LEKR1: variants seen among roughly 807,000 people sequenced by gnomAD.
LEKR1 encodes the protein leucine, glutamate and lysine rich 1, also known as protein LEKR1.
In LEKR1, 59 loss-of-function variants were observed where a neutral mutation model predicts 72.4. That is an observed-to-expected ratio of 0.82 (90% confidence interval 0.66 to 1.01). The LOEUF (loss-of-function observed/expected upper bound fraction) is 1.01, where lower values mean the gene tolerates loss of function less well. Ranked by LOEUF, LEKR1 falls within the 50% of genes least tolerant of loss-of-function variation. LEKR1 has a pLI of 0.00. For missense variants in LEKR1, 728 were observed against 759.2 expected (o/e 0.96, Z 0.48); for synonymous variants, 257 against 263.2 (o/e 0.98, Z 0.23).
At chr3:157,014,669 T>A (rs1161995148) in intron 10 of LEKR1, among the ~76,000 whole-genome samples, 1 of 152,148 alleles carries the variant, frequency 6.6e-6, no homozygotes. Flanking sequence ...TTTATATTTT[T>A]AAAAATGCAG....
intron 10 of LEKR1, among the ~76,000 whole-genome samples, chr3:157,018,680 A>G (rs746601748): frequency 6.6e-6 from 1 of 152,290 alleles, no homozygotes; most frequent in South Asian, 2.1e-4. Flanking sequence ...CTGAGTATAC[A>G]CATTGTTTCC....
rs1560154529 is a variant in LEKR1, at chr3:157,024,763, G to A, written c.1207G>A (p.Glu403Lys). 6.2e-7 allele frequency: 1 copy of A among 1,601,194 alleles called. No homozygotes were observed. Residue 403 changes from glutamate (E) to lysine (K), a missense_variant, in exon 11 of 13, where the codon GAA becomes AAA. Coordinates refer to ENST00000356539, the MANE Select transcript of LEKR1 (RefSeq NM_001004316.3). The stretch of plus-strand genomic sequence containing the variant: ...GTGCTTTAAATGCCATTTCTAGATT[G>A]AAGCAGAACTTGCCAAGGAAAGGGC... ...LSDDNWKEKI[E>K]AELAKERAQH...
At chr3:156,867,877 G>A (rs1362715280) in intron 3 of LEKR1, among the ~76,000 whole-genome samples, 2 of 151,974 alleles carry the variant, frequency 1.3e-5, no homozygotes, top group Non-Finnish European at 2.9e-5. Flanking sequence ...AAGTCATGAA[G>A]CCAAGATTTT....
intron 6 of LEKR1, among the ~76,000 whole-genome samples, chr3:156,976,937 A>G (rs1261762163): frequency 6.6e-6 from 1 of 152,168 alleles, no homozygotes. Flanking sequence ...ACCATTACCT[A>G]ATAAGTTTTT....
chr3:156,850,719 G>A (rs1715250484), intron 2 of LEKR1, among the ~76,000 whole-genome samples: 1 of 152,130 alleles, frequency 6.6e-6, no homozygotes, highest in Admixed American at 6.6e-5. Flanking sequence ...TGGTTCTTCT[G>A]GGTCTGATGT....
intron 3 of LEKR1, among the ~76,000 whole-genome samples, chr3:156,898,291 A>G (rs12629380): frequency 0.51 from 77,146 of 151,904 alleles, 21,276 homozygotes; most frequent in East Asian, 0.73. Context: ...GTCACAACAT[A>G]TAGGGTTAAA....
At chr3:156,831,189 G>A (rs1000746595) in intron 2 of LEKR1, among the ~76,000 whole-genome samples, 2 of 152,074 alleles carry the variant, frequency 1.3e-5, no homozygotes, top group East Asian at 3.9e-4. Flanking sequence ...GTGTGAAGAC[G>A]GAGAGTCCAA....
chr3:156,885,265 C>A (rs1465043183), intron 3 of LEKR1, among the ~76,000 whole-genome samples: 1 of 152,178 alleles, frequency 6.6e-6, no homozygotes, highest in Non-Finnish European at 1.5e-5. Context: ...AATCATCCTT[C>A]TGAATTTTTT....
At chr3:156,936,922 A>G (rs1429431569) in intron 5 of LEKR1, among the ~76,000 whole-genome samples, 1 of 152,210 alleles carries the variant, frequency 6.6e-6, no homozygotes, top group Non-Finnish European at 1.5e-5. Flanking sequence ...AAGAGTTCTT[A>G]AACTTGAACT....
intron 9 of LEKR1, among the ~76,000 whole-genome samples, chr3:157,002,802 ATTATCACTTCATTAACATTGT>A: frequency 6.6e-6 from 1 of 152,174 alleles, no homozygotes; most frequent in Non-Finnish European, 1.5e-5. Context: ...TCAGTGAATA[ATTATCACTTCATTAACATTGT>A]TTGCATCCTA....
chr3:156,984,083 G>A (rs1730471562), intron 7 of LEKR1, among the ~76,000 whole-genome samples: 1 of 152,132 alleles, frequency 6.6e-6, no homozygotes, highest in African/African-American at 2.4e-5. Flanking sequence ...GGTTATGGCA[G>A]GCTATTAGGA....
intron 10 of LEKR1, among the ~76,000 whole-genome samples, chr3:157,013,614 C>T (rs547716492): frequency 1.8e-4 from 27 of 152,042 alleles, no homozygotes; most frequent in Admixed American, 2.6e-4. Context: ...TGAAAGGGCA[C>T]GACTTCTTGT....
At chr3:156,978,193 A>G (rs1219863620) in intron 6 of LEKR1, among the ~76,000 whole-genome samples, 1 of 152,182 alleles carries the variant, frequency 6.6e-6, no homozygotes, top group Non-Finnish European at 1.5e-5. Flanking sequence ...AATGCTAATT[A>G]AAACATTTGT....
Position 156,993,180 on chromosome 3 carries a change from A to C in LEKR1, c.1012A>C (p.Ile338Leu), listed in dbSNP as rs148875904. Residue 338 changes from isoleucine to leucine, a missense_variant, in exon 9 of 13, where the codon ATA becomes CTA. Coordinates refer to ENST00000356539, the MANE Select transcript of LEKR1 (RefSeq NM_001004316.3). ...TGTGAAAGAAAAGCAAGAAGAAGAC[A>C]TAAAGAGAAGAATTAACCTTGCAGA... ...LTVKEKQEED[I>L]KRRINLAENE... is the part of the protein sequence containing the mutation. The C allele has an allele frequency of 5.0e-5, 81 of 1,612,292 alleles. No homozygotes were observed. The African/African-American group carries it at 9.5e-4, about 19-fold the overall frequency.
intron 7 of LEKR1, among the ~76,000 whole-genome samples, chr3:156,984,537 C>T (rs1207814108): frequency 6.6e-6 from 1 of 151,980 alleles, no homozygotes; most frequent in African/African-American, 2.4e-5. Context: ...ATTAGCCAGG[C>T]ATGGTGGCAG....
intron 3 of LEKR1, among the ~76,000 whole-genome samples, chr3:156,868,328 C>A (rs559302207): frequency 2.6e-5 from 4 of 151,990 alleles, no homozygotes; most frequent in African/African-American, 9.6e-5. Context: ...ATGTATATTC[C>A]ATTTTTCTAT....
chr3:157,017,875 G>A (rs1433367396), intron 10 of LEKR1, among the ~76,000 whole-genome samples: 1 of 150,304 alleles, frequency 6.7e-6, no homozygotes, highest in Non-Finnish European at 1.5e-5. Context: ...CGTGAACCCA[G>A]GAGGCGGAGC....
chr3:156,941,943 A>G (rs760699274), intron 5 of LEKR1, among the ~76,000 whole-genome samples: 28 of 152,076 alleles, frequency 1.8e-4, no homozygotes, highest in Non-Finnish European at 2.5e-4. Context: ...GAATAATGAC[A>G]TGATTATTAT....
chr3:156,934,497 G>A (rs1444689959), intron 5 of LEKR1, among the ~76,000 whole-genome samples: 10 of 152,082 alleles, frequency 6.6e-5, no homozygotes, highest in African/African-American at 1.2e-4. Flanking sequence ...GAAAACCAAA[G>A]GCAAATTTAA....
Sources: allele counts gnomAD v4.1 joint callset (sites outside exome capture counted in the v4.1 genomes callset), GRCh38; gene constraint gnomAD v4.1.1; transcripts MANE v1.5; gene names NCBI Gene and HGNC (gene_info 2026-07-23, HGNC 2026-07-21).